The following PKD1 variants were observed in gnomAD, a reference collection of about 807,000 sequenced individuals.
The protein encoded by PKD1 is polycystin-1.
PKD1 carries 81 observed loss-of-function variants against 361.7 expected under a neutral mutation model. The ratio of observed to expected loss-of-function variants is 0.22; its 90% confidence interval spans 0.19 to 0.27. The LOEUF (loss-of-function observed/expected upper bound fraction) is 0.27. PKD1 is among the 10% of genes least tolerant of loss of function. The pLI is 1.00. For synonymous variants in PKD1, 3,615 were observed against 2,818.3 expected (o/e 1.28, Z -8.95); for missense variants, 6,399 against 6,118.3 (o/e 1.05, Z -1.53).
rs1406791013 is a variant in PKD1 at position 2,091,814 on chromosome 16, C to T, written c.11504G>A (p.Arg3835His). The change falls in exon 41 of 46, where the codon CGC (arginine) becomes CAC (histidine). Residue 3835 changes from arginine to histidine, a missense_variant. Transcript: ENST00000262304. ...LSLEESRDRL[R>H]FLQLHNWLDN... ...CAGCCAGTTGTGCAGCTGCAGGAAG[C>T]GCAGCCGGTCGCGGCTCTCCTCCAG... The T allele has an allele frequency of 1.8e-5, 29 of 1,609,930 alleles. No homozygotes were observed. Among genetic ancestry groups the T allele is most frequent in the Non-Finnish European group, 2.1e-5 (25 of 1,179,174 alleles).
At chr16:2,098,862 G>C (rs1408251709) in intron 30 of PKD1, 2 of 113,652 alleles carry the variant, frequency 1.8e-5, no homozygotes, top group South Asian at 2.9e-4. Flanking sequence ...ATGGAGTCTT[G>C]CTCCGTTGCC....
At position 2,092,490 on chromosome 16, in the gene PKD1, C is replaced by T; in HGVS notation, c.11259G>A (p.Arg3753=). Residue 3753 remains arginine, a synonymous_variant, in exon 39 of 46, where the codon CGG becomes CGA. Transcript: ENST00000262304. The part of the protein sequence containing the change: ...ELGPPRLRQV[R]LQEALYPDPP... Reference sequence around the variant, plus strand: ...GCCCTGCCAGCTCACCTTCCTGCAGCCGCACCTGCCGCAGCCGTGGGGGCC... The same window carrying T: ...GCCCTGCCAGCTCACCTTCCTGCAGTCGCACCTGCCGCAGCCGTGGGGGCC... 1 of 1,606,138 alleles carries T rather than the reference C, an allele frequency of 6.2e-7. No individual in the cohort carries two copies. The highest frequency in any genetic ancestry group is 8.5e-7 in the Non-Finnish European group (1 of 1,174,658).
At chr16:2,091,648 G>GGGGACCGC in intron 41 of PKD1, 51 bp from the exon 42 acceptor site, 1 of 1,555,348 alleles carries the variant, frequency 6.4e-7, no homozygotes, top group Non-Finnish European at 8.6e-7. Context: ...CGGGAGCTGC[G>GGGGACCGC]GGGACCGCGC....
chr16:2,113,649 G>A (rs561720300), intron 11 of PKD1: 2 of 410,954 alleles, frequency 4.9e-6, no homozygotes, highest in African/African-American at 4.0e-5. Flanking sequence ...GTGAGGGGAG[G>A]CACCTACACT....
Position 2,135,597 on chromosome 16 carries a change from C to A in PKD1, c.93G>T (p.Gly31=), listed in dbSNP as rs1456065179. The change falls in exon 1 of 46, where the codon GGG becomes GGT. Residue 31 remains glycine (G), a synonymous_variant. Coordinates refer to ENST00000262304, the MANE Select transcript of PKD1 (RefSeq NM_001009944.3). The part of the protein sequence containing the change: ...ALAGGPGRGC[G]PCEPPCLCGP... ...CGCAGAGGCAGGGGGGCTCGCAGGGCCCGCAGCCGCGCCCGGGGCCCCCCG... is the reference window on the plus strand; with the variant it reads ...CGCAGAGGCAGGGGGGCTCGCAGGGACCGCAGCCGCGCCCGGGGCCCCCCG... 2.3e-5 allele frequency: 23 copies of A among 1,020,304 alleles called. No individual in the cohort carries two copies. The highest frequency in any genetic ancestry group is 4.5e-5 in the South Asian group (1 of 22,426). The allele number at this position is 1,020,304 out of a possible 1,614,324, so 63.2% of individuals were successfully genotyped here.
chr16:2,095,466 C>T (rs946691388), intron 34 of PKD1: 3 of 152,186 alleles, frequency 2.0e-5, no homozygotes, highest in African/African-American at 7.2e-5. Flanking sequence ...TATAGCAACA[C>T]AAATGACTCA....
In PKD1 at chr16:2,099,192, T is replaced by C. The variant is rs1783899611; in HGVS notation, c.10050+452A>G. 1.4e-5 allele frequency: 5 copies of C among 345,186 alleles called. No homozygotes were observed. The Admixed American group carries it at 2.0e-4, about 14-fold the overall frequency. The allele number at this position is 345,186 out of a possible 1,614,324, so 21.4% of individuals were successfully genotyped here. ...GTTGCCCAGGCTGGTCTCAAACTCCTGGACTCAGATCCGCCCACCTCGGCC... is the reference window on the plus strand; with the variant it reads ...GTTGCCCAGGCTGGTCTCAAACTCCCGGACTCAGATCCGCCCACCTCGGCC... On this transcript the variant is annotated intron_variant, in intron 30 of 45. Coordinates refer to ENST00000262304, the MANE Select transcript of PKD1 (RefSeq NM_001009944.3).
At position 2,112,434 on chromosome 16, in the gene PKD1, G is replaced by A; in HGVS notation, c.3201C>T (p.Phe1067=). 3 of 1,586,100 alleles carry A rather than the reference G, an allele frequency of 1.9e-6. No individual in the cohort carries two copies. Among genetic ancestry groups the A allele is most frequent in the Non-Finnish European group, 1.7e-6 (2 of 1,173,618 alleles). Residue 1067 remains phenylalanine (F), a synonymous_variant, in exon 14 of 46, where the codon TTC becomes TTT. Coordinates refer to ENST00000262304, the MANE Select transcript of PKD1 (RefSeq NM_001009944.3). ...FGDGEQALHQ[F]QPPYNESFPV... ...GGAAGGACTCGTTGTACGGAGGCTG[G>A]AACTGGTGGAGGGCCTGCTCCCCAT... is the stretch of plus-strand genomic sequence containing the variant.
intron 1 of PKD1, among the ~76,000 whole-genome samples, chr16:2,127,879 G>A (rs1367636696): frequency 7.0e-6 from 1 of 143,674 alleles, no homozygotes; most frequent in African/African-American, 2.6e-5. Flanking sequence ...AAACTAGAGA[G>A]AAGGGACACA....
chr16:2,093,876 C>T lies in PKD1; in HGVS notation c.10756G>A (p.Val3586Ile), dbSNP rs186421561. The T allele has an allele frequency of 1.2e-5, 19 of 1,573,228 alleles. No homozygotes were observed. The highest frequency in any genetic ancestry group is 1.6e-5 in the Non-Finnish European group (19 of 1,165,328). The stretch of plus-strand genomic sequence containing the variant: ...GCGCTGCTGGACAGGAGCCACGCAA[C>T]ACTCACGCCCGGGGGGAAGCTCGCA... ...VGASFPPGVSVAWLLSSSASF... is the reference protein window; with the variant it reads ...VGASFPPGVSIAWLLSSSASF... Residue 3586 changes from valine (V) to isoleucine (I), a missense_variant, in exon 36 of 46, where the codon GTT becomes ATT. Val to Ile is a conservative substitution (Grantham distance 29). Transcript: ENST00000262304.
chr16:2,106,710 C>T lies in PKD1; in HGVS notation c.7210-33G>A. 6.4e-7 allele frequency: 1 copy of T among 1,568,234 alleles called. No homozygotes were observed. The highest frequency in any genetic ancestry group is 8.6e-7 in the Non-Finnish European group (1 of 1,159,176). On this transcript the variant is annotated intron_variant, in intron 17 of 45. Transcript: ENST00000262304. The surrounding 1 kb of genome is among the most constrained non-coding windows in gnomAD (Gnocchi z 6.5). The stretch of plus-strand genomic sequence containing the variant: ...CAGAAGGGGTGGTGAGGGGGCGCAA[C>T]CCTCTGCCCTGTCAGCCCCACTTCT...
Position 2,090,552 on chromosome 16 carries a change from G to A in PKD1, c.12177C>T (p.Ala4059=), listed in dbSNP as rs771341748. ...CAGGGCACAGCACCAACAGGGCCTG[G>A]GCCACGCTCCAGAGGGAGTCCACAC... ...SSCVDSLWSV[A]QALLVLCPGT... is the part of the protein sequence containing the mutation. Residue 4059 remains alanine (A), a synonymous_variant, in exon 45 of 46, where the codon GCC becomes GCT. Coordinates refer to ENST00000262304, the MANE Select transcript of PKD1 (RefSeq NM_001009944.3). 3 of 1,609,824 alleles carry A rather than the reference G, an allele frequency of 1.9e-6. No homozygotes were observed. Among genetic ancestry groups the A allele is most frequent in the Non-Finnish European group, 2.5e-6 (3 of 1,179,540 alleles).
intron 37 of PKD1, 61 bp downstream of exon 37, chr16:2,093,483 G>T: frequency 6.9e-7 from 1 of 1,455,748 alleles, no homozygotes; most frequent in Non-Finnish European, 9.4e-7. Flanking sequence ...CTGCGTGCAT[G>T]GGTGGGAGGT....
chr16:2,115,044 C>T, intron 10 of PKD1, 119 bp from the exon 11 acceptor site: 1 of 1,505,848 alleles, frequency 6.6e-7, no homozygotes, highest in Non-Finnish European at 8.8e-7. Context: ...CCTCAAGGAG[C>T]CTCCCCACAG....
intron 1 of PKD1, among the ~76,000 whole-genome samples, chr16:2,125,036 C>A (rs1162357750): frequency 1.3e-5 from 2 of 152,184 alleles, no homozygotes; most frequent in Non-Finnish European, 2.9e-5. Context: ...AGGGGACAGG[C>A]GGCAGTGCCA....
chr16:2,135,450 G>A, intron 1 of PKD1, 25 bp downstream of exon 1: 3 of 1,164,382 alleles, frequency 2.6e-6, no homozygotes, highest in Non-Finnish European at 3.2e-6. Context: ...GGCCTCTCCC[G>A]GGTGCCGCTG....
intron 11 of PKD1, 88 bp downstream of exon 11, chr16:2,114,082 C>T (rs2092586814): frequency 1.8e-6 from 2 of 1,131,618 alleles, no homozygotes. Context: ...GCTGCCCTCA[C>T]TGGGAAGCCA....
chr16:2,090,733 G>A lies in PKD1; in HGVS notation c.12079C>T (p.Leu4027=), dbSNP rs374737452. The part of the protein sequence containing the change: ...KTLCRALPEL[L]GVTLGLVVLG... ...ACCACCAGGCCCAAGGTGACCCCCA[G>A]GAGCTCTGGCAGAGCTCGGCATAAT... Residue 4027 remains leucine (L), a synonymous_variant, in exon 44 of 46, where the codon CTG becomes TTG. Coordinates refer to ENST00000262304, the MANE Select transcript of PKD1 (RefSeq NM_001009944.3). 107 of 1,612,534 alleles carry A rather than the reference G, an allele frequency of 6.6e-5. No homozygotes were observed. Among genetic ancestry groups the A allele is most frequent in the Admixed American group, 2.7e-4 (16 of 60,000 alleles).
At position 2,091,113 on chromosome 16, in the gene PKD1, T is replaced by A; in HGVS notation, c.11774A>T (p.Glu3925Val). ...AVAEARTWHR[E>V]GRWRVLRLGA... is the part of the protein sequence containing the mutation. The stretch of plus-strand genomic sequence containing the variant: ...GAGCCGCAGCACGCGCCAGCGCCCT[T>A]CCCTGTGCCAAGTACGGGCCTCGGC... Residue 3925 changes from glutamate (E) to valine (V), a missense_variant, in exon 43 of 46, where the codon GAA (glutamate) becomes GTA (valine). Glu to Val is a moderately radical substitution (Grantham distance 121). Transcript: ENST00000262304. 4 of 1,492,464 alleles carry A rather than the reference T, an allele frequency of 2.7e-6. No homozygotes were observed. Among genetic ancestry groups the A allele is most frequent in the Non-Finnish European group, 3.5e-6 (4 of 1,127,430 alleles). The allele number at this position is 1,492,464 out of a possible 1,614,324, so 92.5% of individuals were successfully genotyped here.
Sources: gnomAD v4.1 joint callset for allele counts (sites outside exome capture counted in the v4.1 genomes callset) on GRCh38, gnomAD v4.1.1 for gene constraint, Gnocchi (gnomAD v3.1) non-coding constraint, MANE v1.5 for transcripts, NCBI Gene and HGNC (gene_info 2026-07-23, HGNC 2026-07-21) for gene names.